MTUS2: variants seen among roughly 807,000 people sequenced by gnomAD.
MTUS2 encodes the protein microtubule-associated tumor suppressor candidate 2.
MTUS2 carries 40 observed loss-of-function variants against 114.1 expected under a neutral mutation model. That is an observed-to-expected ratio of 0.35 (90% confidence interval 0.27 to 0.46). The LOEUF is 0.46. Ranked by LOEUF, MTUS2 falls within the 20% of genes least tolerant of loss-of-function variation. The probability of loss-of-function intolerance (pLI) is 1.00; values close to 1 mark genes in which losing one functional copy is unlikely to be tolerated. For synonymous variants in MTUS2, 688 were observed against 672.0 expected, an observed-to-expected ratio of 1.02 and a Z score of -0.37; for missense variants, 1,679 against 1,705.4, an observed-to-expected ratio of 0.98 and a Z score of 0.27.
chr13:29,188,873 C>T (rs1190121005), intron 5 of MTUS2, among the ~76,000 whole-genome samples: 1 of 152,204 alleles, frequency 6.6e-6, no homozygotes, highest in Non-Finnish European at 1.5e-5. Context: ...TTATCCAGTA[C>T]AGCCTTGTGT....
chr13:29,227,641 G>A (rs1896163607), intron 5 of MTUS2, among the ~76,000 whole-genome samples: 1 of 152,238 alleles, frequency 6.6e-6, no homozygotes, highest in Non-Finnish European at 1.5e-5. Context: ...AAGGGAAGAT[G>A]AAATTATAGG....
chr13:29,024,760 C>T lies in MTUS2; in HGVS notation c.62C>T (p.Ala21Val), dbSNP rs766924125. The T allele has an allele frequency of 3.1e-6, 5 of 1,614,000 alleles. No homozygotes were observed. The highest frequency in any genetic ancestry group is 1.7e-6 in the Non-Finnish European group (2 of 1,179,896). Reference sequence around the variant, plus strand: ...ACTCAGTTGCGGGACAACAGAAATGCAGCAAGAAATAATAATGAAAGCATC... The same window carrying T: ...ACTCAGTTGCGGGACAACAGAAATGTAGCAAGAAATAATAATGAAAGCATC... ...CYTQLRDNRN[A>V]ARNNNESILS... Residue 21 changes from alanine to valine, a missense_variant, in exon 3 of 16, where the codon GCA becomes GTA. Around this residue, in one of 3 missense-constraint regions of MTUS2, gnomAD observed 843 missense variants for 770.8 expected, o/e 1.09. Transcript: ENST00000612955.
chr13:29,327,908 CT>C (rs75809714), intron 7 of MTUS2, among the ~76,000 whole-genome samples: 4,234 of 152,156 alleles, frequency 0.028, 100 homozygotes, highest in East Asian at 0.092. Context: ...TATAATCAGT[CT>C]TTTTTTATAG....
chr13:28,866,614 T>C (rs544496009), intron 2 of MTUS2, among the ~76,000 whole-genome samples: 22 of 152,234 alleles, frequency 1.4e-4, no homozygotes, highest in Non-Finnish European at 2.9e-4. Context: ...TTATGAACTC[T>C]TTTCATGTAG....
chr13:29,308,691 TAAAC>T (rs1302207045), intron 6 of MTUS2, among the ~76,000 whole-genome samples: 4 of 152,214 alleles, frequency 2.6e-5, no homozygotes, highest in African/African-American at 9.6e-5. Flanking sequence ...ACAAGGAACT[TAAAC>T]AAATTTATAA....
intron 11 of MTUS2, among the ~76,000 whole-genome samples, chr13:29,491,982 TG>T (rs1248106628): frequency 6.9e-6 from 1 of 145,906 alleles, no homozygotes; most frequent in Non-Finnish European, 1.5e-5. Flanking sequence ...GTGTGGTAGG[TG>T]TGTGTGGTGT....
intron 6 of MTUS2, among the ~76,000 whole-genome samples, chr13:29,313,171 G>A (rs1357516661): frequency 6.6e-6 from 1 of 152,146 alleles, no homozygotes; most frequent in African/African-American, 2.4e-5. Context: ...ATGTGTTGGA[G>A]TAGAGGGAGG....
chr13:29,318,398 T>TTTTTTTCTTTTTTTTTTTA, intron 6 of MTUS2, among the ~76,000 whole-genome samples: 1 of 150,858 alleles, frequency 6.6e-6, no homozygotes, highest in Non-Finnish European at 1.5e-5. Flanking sequence ...TTTCTTTTTT[T>TTTTTTTCTTTTTTTTTTTA]TTTTGAGATG....
At chr13:28,827,812 A>G (rs902084701) in intron 1 of MTUS2, among the ~76,000 whole-genome samples, 3 of 152,220 alleles carry the variant, frequency 2.0e-5, no homozygotes, top group Non-Finnish European at 4.4e-5. Context: ...GTGTACGAAT[A>G]GTGTGTGGGT....
intron 2 of MTUS2, among the ~76,000 whole-genome samples, chr13:28,952,394 G>A (rs35769500): frequency 0.046 from 7,012 of 152,238 alleles, 197 homozygotes; most frequent in African/African-American, 0.067. Context: ...TGCAATTTGC[G>A]TTTTCAGTTT....
intron 2 of MTUS2, among the ~76,000 whole-genome samples, chr13:28,993,812 G>C (rs1328979541): frequency 2.6e-5 from 4 of 151,140 alleles, no homozygotes; most frequent in Non-Finnish European, 5.9e-5. Context: ...TTGCTTGGTT[G>C]ATTTTCTTTG....
chr13:29,004,248 G>A (rs1273473058), intron 2 of MTUS2, among the ~76,000 whole-genome samples: 1 of 152,104 alleles, frequency 6.6e-6, no homozygotes, highest in Non-Finnish European at 1.5e-5. Flanking sequence ...AAAGATTTCA[G>A]AAAACAATTC....
At chr13:29,299,650 C>T (rs752706777) in intron 6 of MTUS2, among the ~76,000 whole-genome samples, 8 of 152,024 alleles carry the variant, frequency 5.3e-5, no homozygotes, top group East Asian at 1.9e-4. Flanking sequence ...TAGAAGTGGC[C>T]GGTGATGATG....
At chr13:28,870,663 G>A (rs1193352851) in intron 2 of MTUS2, among the ~76,000 whole-genome samples, 6 of 152,146 alleles carry the variant, frequency 3.9e-5, no homozygotes, top group African/African-American at 1.4e-4. Flanking sequence ...ATAGTAAGTT[G>A]TTTTGAAGCC....
At chr13:29,393,483 G>A (rs1161632827) in intron 8 of MTUS2, among the ~76,000 whole-genome samples, 1 of 152,126 alleles carries the variant, frequency 6.6e-6, no homozygotes, top group Non-Finnish European at 1.5e-5. Context: ...CTCTTGTCAG[G>A]GAGGTTCTGT....
chr13:29,123,083 C>T lies in MTUS2; in HGVS notation c.2644+22113C>T, dbSNP rs573072895. The stretch of plus-strand genomic sequence containing the variant: ...CATGTTTCCTTTTCTTTATCCCTGA[C>T]GTTTCTATGCTTCAGATTTTAAAAA... On this transcript the variant is annotated intron_variant, in intron 5 of 15. Coordinates refer to ENST00000612955, the MANE Select transcript of MTUS2 (RefSeq NM_001033602.4). 3.3e-5 allele frequency among the ~76,000 whole-genome samples: 5 copies of T among 152,166 alleles called. No individual in the cohort carries two copies. In the South Asian group the frequency reaches 6.2e-4, roughly 19 times the overall value.
At chr13:29,105,025 A>G (rs1024114535) in intron 5 of MTUS2, among the ~76,000 whole-genome samples, 1 of 152,180 alleles carries the variant, frequency 6.6e-6, no homozygotes, top group African/African-American at 2.4e-5. Context: ...CTGAAATTCG[A>G]AATGCTCCAA....
chr13:29,117,901 T>C (rs1242780563), intron 5 of MTUS2, among the ~76,000 whole-genome samples: 1 of 152,108 alleles, frequency 6.6e-6, no homozygotes, highest in East Asian at 1.9e-4. Flanking sequence ...GATTTGTTAA[T>C]GAAGGAAATG....
intron 5 of MTUS2, among the ~76,000 whole-genome samples, chr13:29,251,422 A>G (rs1187684474): frequency 1.3e-5 from 2 of 152,182 alleles, no homozygotes; most frequent in Non-Finnish European, 2.9e-5. Flanking sequence ...GCAGTTTTTC[A>G]AAAACCTCAA....
Sources: gnomAD v4.1 joint callset for allele counts (sites outside exome capture counted in the v4.1 genomes callset) on GRCh38, gnomAD v4.1.1 for gene constraint, gnomAD v4.1.1 regional missense constraint, MANE v1.5 for transcripts, NCBI Gene and HGNC (gene_info 2026-07-23, HGNC 2026-07-21) for gene names.